Variants in NRXN1 observed in about 807,000 individuals in gnomAD.
The protein encoded by NRXN1 is neurexin-1.
In NRXN1, 39 loss-of-function variants were observed where a neutral mutation model predicts 150.9. The ratio of observed to expected loss-of-function variants is 0.26; its 90% CI spans 0.20 to 0.34. The LOEUF is 0.34. Among genes scored for constraint, NRXN1 ranks in the 10% least tolerant of loss-of-function variants. The pLI is 1.00. For missense variants in NRXN1, 1,815 were observed against 1,949.9 expected (o/e 0.93, Z 1.30); for synonymous variants, 924 against 757.0 (o/e 1.22, Z -3.62).
intron 5 of NRXN1, among the ~76,000 whole-genome samples, chr2:50,797,515 A>T (rs1490754274): frequency 6.6e-6 from 1 of 152,112 alleles, no homozygotes; most frequent in Non-Finnish European, 1.5e-5. Context: ...CAAAACGTAA[A>T]TCATGCCAAT....
Position 50,236,993 on chromosome 2 carries a change from A to T in NRXN1, c.3365-23T>A, listed in dbSNP as rs201434252. 2.0e-4 allele frequency: 330 copies of T among 1,610,232 alleles called. 1 individual carries two copies. Among genetic ancestry groups the T allele is most frequent in the Non-Finnish European group, 2.6e-4 (304 of 1,177,372 alleles). ...CAGCTGGAAAACAAAAACCAAAACC[A>T]ATTAGTCCAAATACATCAAGTCTGC... On this transcript the variant is annotated intron_variant, in intron 17 of 22. Coordinates refer to ENST00000401669, the MANE Select transcript of NRXN1 (RefSeq NM_001330078.2).
chr2:50,115,260 T>G lies in NRXN1; in HGVS notation c.3547-23766A>C, dbSNP rs1183911210. 2.7e-5 allele frequency among the ~76,000 whole-genome samples: 4 copies of G among 146,936 alleles called. No homozygotes were observed. The East Asian group carries it at 7.9e-4, about 29-fold the overall frequency. Reference sequence around the variant, plus strand: ...ATATATACACACACACACATATATATAATAATACATATTTTATATACCAAA... The same window carrying G: ...ATATATACACACACACACATATATAGAATAATACATATTTTATATACCAAA... On this transcript the variant is annotated intron_variant, in intron 18 of 22. Transcript: ENST00000401669.
At chr2:50,906,428 T>C (rs1683683863) in intron 5 of NRXN1, among the ~76,000 whole-genome samples, 9 of 152,096 alleles carry the variant, frequency 5.9e-5, no homozygotes. Context: ...AACAAACCCA[T>C]AGACCCTAAC....
chr2:51,028,426 T>A lies in NRXN1; in HGVS notation c.-153A>T, dbSNP rs558312172. The A allele has an allele frequency of 2.1e-6, 1 of 465,460 alleles. No homozygotes were observed. The highest frequency in any genetic ancestry group is 3.9e-5 in the Admixed American group (1 of 25,318). 28.8% of individuals were successfully genotyped at this position (465,460 alleles called of 1,614,324 possible). ...TGTGCCCTCCTTTATCTAGTTCTTT[T>A]TTTCTTCTTCTTCTTCCAATAACCC... is the stretch of plus-strand genomic sequence containing the variant. On this transcript the variant is annotated 5_prime_UTR_variant, in exon 2 of 23. Coordinates refer to ENST00000401669, the MANE Select transcript of NRXN1 (RefSeq NM_001330078.2).
chr2:50,521,081 G>T (rs1471738981), intron 12 of NRXN1, among the ~76,000 whole-genome samples: 1 of 152,012 alleles, frequency 6.6e-6, no homozygotes, highest in Non-Finnish European at 1.5e-5. Context: ...ATTTACACTG[G>T]AAACTTCCTG....
intron 8 of NRXN1, among the ~76,000 whole-genome samples, chr2:50,595,239 C>T (rs1364534964): frequency 1.3e-5 from 2 of 151,788 alleles, no homozygotes; most frequent in Admixed American, 6.6e-5. Flanking sequence ...AGGCTGTGAC[C>T]TGATTTGACA....
At chr2:50,869,686 A>T (rs1309255221) in intron 5 of NRXN1, among the ~76,000 whole-genome samples, 1 of 151,752 alleles carries the variant, frequency 6.6e-6, no homozygotes, top group Non-Finnish European at 1.5e-5. Flanking sequence ...TTAATTATTT[A>T]ATTTGTCTAA....
At chr2:51,007,574 C>A (rs1667215226) in intron 2 of NRXN1, among the ~76,000 whole-genome samples, 1 of 151,732 alleles carries the variant, frequency 6.6e-6, no homozygotes, top group South Asian at 2.1e-4. Context: ...TATTATTTTT[C>A]TATTTTTAAA....
intron 17 of NRXN1, among the ~76,000 whole-genome samples, chr2:50,254,085 T>C (rs577746021): frequency 3.2e-4 from 48 of 152,112 alleles, no homozygotes; most frequent in African/African-American, 1.1e-3. Flanking sequence ...ACTGCCTTAC[T>C]TTCAGAACCT....
At chr2:50,880,791 T>C (rs1349835528) in intron 5 of NRXN1, among the ~76,000 whole-genome samples, 1 of 151,938 alleles carries the variant, frequency 6.6e-6, no homozygotes, top group Non-Finnish European at 1.5e-5. Flanking sequence ...AAAATAATGC[T>C]GCAAATCACT....
intron 5 of NRXN1, among the ~76,000 whole-genome samples, 172 bp downstream of exon 5, chr2:50,921,697 G>A (rs1428265901): frequency 6.6e-6 from 1 of 151,736 alleles, no homozygotes; most frequent in Non-Finnish European, 1.5e-5. Flanking sequence ...GGGCGAAAAT[G>A]GAAACATATT....
At chr2:50,197,451 C>T (rs557767912) in intron 18 of NRXN1, among the ~76,000 whole-genome samples, 3 of 152,190 alleles carry the variant, frequency 2.0e-5, no homozygotes, top group Non-Finnish European at 2.9e-5. Flanking sequence ...TTGATGAATC[C>T]GAATCACCTT....
intron 21 of NRXN1, among the ~76,000 whole-genome samples, chr2:49,988,107 C>T (rs990664665): frequency 2.0e-5 from 3 of 151,958 alleles, no homozygotes; most frequent in Admixed American, 2.0e-4. Context: ...TTCATCCCTG[C>T]TAAATTGCTG....
chr2:50,533,285 A>G (rs1040155601), intron 10 of NRXN1, among the ~76,000 whole-genome samples: 11 of 152,172 alleles, frequency 7.2e-5, no homozygotes, highest in Non-Finnish European at 1.3e-4. Context: ...GAGCTGTAGC[A>G]TTCATTGCCT....
chr2:50,964,754 C>A (rs1693783356), intron 2 of NRXN1, among the ~76,000 whole-genome samples: 1 of 151,434 alleles, frequency 6.6e-6, no homozygotes, highest in Non-Finnish European at 1.5e-5. Context: ...CCTTGAGATA[C>A]AGCTCCACAT....
chr2:49,999,207 G>T (rs1683503129), intron 21 of NRXN1, among the ~76,000 whole-genome samples: 1 of 152,018 alleles, frequency 6.6e-6, no homozygotes, highest in African/African-American at 2.4e-5. Flanking sequence ...TAGATTAAAA[G>T]AAAATTTGTT....
Position 50,346,786 on chromosome 2 carries a change from C to T in NRXN1, c.3365-109816G>A. ...ATGGAAATGGTGGATGTGGTGCGCT[C>T]CCAAACTGGATGCCCCCCACGCCAC... is the stretch of plus-strand genomic sequence containing the variant. On this transcript the variant is annotated intron_variant, in intron 17 of 22. Coordinates refer to ENST00000401669, the MANE Select transcript of NRXN1 (RefSeq NM_001330078.2). The surrounding 1 kb of genome is among the most constrained non-coding windows in gnomAD (Gnocchi z 5.0). 6.2e-7 allele frequency: 1 copy of T among 1,613,656 alleles called. No homozygotes were observed. Among genetic ancestry groups the T allele is most frequent in the Admixed American group, 1.7e-5 (1 of 60,008 alleles).
intron 2 of NRXN1, among the ~76,000 whole-genome samples, chr2:51,012,869 TTTTC>T (rs1420105260): frequency 2.0e-5 from 3 of 152,026 alleles, no homozygotes; most frequent in South Asian, 2.1e-4. Flanking sequence ...CTGGTTTTTG[TTTTC>T]TTTGTTTTGT....
intron 5 of NRXN1, among the ~76,000 whole-genome samples, chr2:50,780,493 CAAT>C (rs1189967334): frequency 2.0e-5 from 3 of 152,060 alleles, no homozygotes; most frequent in Admixed American, 2.0e-4. Context: ...CTTGTATAAA[CAAT>C]AATGGCATGG....
Sources: allele counts gnomAD v4.1 joint callset (sites outside exome capture counted in the v4.1 genomes callset), GRCh38; gene constraint gnomAD v4.1.1; non-coding constraint Gnocchi (gnomAD v3.1); transcripts MANE v1.5; gene names NCBI Gene and HGNC (gene_info 2026-07-23, HGNC 2026-07-21).